TYW5: variants seen among roughly 807,000 people sequenced by gnomAD.
The protein encoded by TYW5 is tRNA wybutosine-synthesizing protein 5.
A neutral mutation model predicts 44.4 loss-of-function variants in TYW5; 36 were observed. The observed-to-expected ratio is 0.81, with a 90% CI of 0.62 to 1.07. The LOEUF is 1.07. Among genes scored for constraint, TYW5 ranks in the 50% least tolerant of loss-of-function variants. The pLI, the probability that TYW5 is intolerant of heterozygous loss-of-function variation, is 0.00. For synonymous variants in TYW5, 121 were observed against 128.1 expected, an observed-to-expected ratio of 0.94 and a Z score of 0.37; for missense variants, 354 against 365.7, an observed-to-expected ratio of 0.97 and a Z score of 0.26.
chr2:199,950,996 A>G (rs1404334370), intron 1 of TYW5, among the ~76,000 whole-genome samples: 2 of 152,188 alleles, frequency 1.3e-5, no homozygotes, highest in Non-Finnish European at 2.9e-5. Context: ...CACTACTATG[A>G]CCACTGTCAC....
rs368330803 is a variant in TYW5 at position 199,955,490 on chromosome 2, C to T, written c.-20G>A. The T allele has an allele frequency of 1.9e-6, 3 of 1,611,574 alleles. No homozygotes were observed. The highest frequency in any genetic ancestry group is 2.5e-6 in the Non-Finnish European group (3 of 1,179,248). ...GGCCATGGTTGCTCACGCCTGCCCTCTTCCAGGTCTTCGGAACTTCGGCTC... is the reference window on the plus strand; with the variant it reads ...GGCCATGGTTGCTCACGCCTGCCCTTTTCCAGGTCTTCGGAACTTCGGCTC... On this transcript the variant is annotated 5_prime_UTR_variant, in exon 1 of 8. Coordinates refer to ENST00000354611, the MANE Select transcript of TYW5 (RefSeq NM_001039693.3).
chr2:199,938,692 G>T (rs557052992), intron 5 of TYW5, among the ~76,000 whole-genome samples: 6 of 152,300 alleles, frequency 3.9e-5, no homozygotes, highest in Non-Finnish European at 2.9e-5. Context: ...GTATATATAT[G>T]ATGATGAATC....
chr2:199,949,077 G>C (rs1404905570), intron 1 of TYW5, among the ~76,000 whole-genome samples: 1 of 152,056 alleles, frequency 6.6e-6, no homozygotes, highest in Non-Finnish European at 1.5e-5. Context: ...ACTGATGTAG[G>C]CTGGGCACAG....
In TYW5 at chr2:199,935,980, A is replaced by G. The variant is rs1301614922; in HGVS notation, c.642T>C (p.Ala214=). 2 of 1,613,356 alleles carry G rather than the reference A, an allele frequency of 1.2e-6. No individual in the cohort carries two copies. Among genetic ancestry groups the G allele is most frequent in the East Asian group, 2.2e-5 (1 of 44,746 alleles). ...CTTCAAGGGAACATTCATATCTTCT[A>G]GCCTTGGAAAAAAGTGGATATTTAG... The part of the protein sequence containing the change: ...DLAKYPLFSK[A]RRYECSLEAG... The change falls in exon 7 of 8, where the codon GCT becomes GCC. Residue 214 remains alanine (A), a synonymous_variant. Coordinates refer to ENST00000354611, the MANE Select transcript of TYW5 (RefSeq NM_001039693.3).
chr2:199,933,860 C>A (rs992379727), intron 7 of TYW5, among the ~76,000 whole-genome samples: 2 of 152,138 alleles, frequency 1.3e-5, no homozygotes, highest in African/African-American at 2.4e-5. Context: ...CAATTATAAT[C>A]ATCTTATATT....
chr2:199,948,518 A>G, intron 1 of TYW5, 46 bp from the exon 2 acceptor site: 2 of 1,598,094 alleles, frequency 1.3e-6, no homozygotes, highest in Non-Finnish European at 1.7e-6. Flanking sequence ...AAAACCAACA[A>G]CACATCAAGA....
rs2077358604 is a variant in TYW5 at position 199,929,643 on chromosome 2, C to T, written c.*3424G>A. ...AAAAGCCGCCTTACTAAGGTTCTTT[C>T]CAAATGTTCACATAGCTGCTGTTCA... On this transcript the variant is annotated 3_prime_UTR_variant, in exon 8 of 8. Transcript: ENST00000354611. 1.3e-5 allele frequency among the ~76,000 whole-genome samples: 2 copies of T among 149,336 alleles called. No homozygotes were observed. Among genetic ancestry groups the T allele is most frequent in the Admixed American group, 6.8e-5 (1 of 14,796 alleles).
chr2:199,949,810 G>C (rs1433934611), intron 1 of TYW5, among the ~76,000 whole-genome samples: 1 of 152,080 alleles, frequency 6.6e-6, no homozygotes, highest in East Asian at 1.9e-4. Context: ...ACATTTATTA[G>C]TTGGCATCCT....
intron 1 of TYW5, among the ~76,000 whole-genome samples, chr2:199,951,619 T>C (rs1487280344): frequency 6.6e-6 from 1 of 152,222 alleles, no homozygotes; most frequent in African/African-American, 2.4e-5. Context: ...CTTTCTTTTT[T>C]GCAAAGTGAT....
intron 3 of TYW5, 39 bp downstream of exon 3, chr2:199,943,726 A>C: frequency 6.7e-7 from 1 of 1,488,748 alleles, no homozygotes; most frequent in South Asian, 1.2e-5. Context: ...TAGTATATAG[A>C]TATTAATGCC....
chr2:199,941,260 C>T (rs932481750), intron 3 of TYW5, among the ~76,000 whole-genome samples: 8 of 152,108 alleles, frequency 5.3e-5, no homozygotes, highest in Non-Finnish European at 1.2e-4. Context: ...AAGTTGGTCT[C>T]GAACTCCTGG....
intron 1 of TYW5, among the ~76,000 whole-genome samples, chr2:199,953,497 G>A (rs933104784): frequency 2.0e-5 from 3 of 151,986 alleles, no homozygotes; most frequent in Non-Finnish European, 4.4e-5. Flanking sequence ...ATAAAGCCTC[G>A]AAAAAACAGT....
intron 3 of TYW5, chr2:199,941,908 A>T (rs1168746262): frequency 6.6e-6 from 1 of 152,166 alleles, no homozygotes; most frequent in Non-Finnish European, 1.5e-5. Context: ...CCAATGCAGG[A>T]CTTTTCTCAT....
At chr2:199,953,044 G>T (rs1377866957) in intron 1 of TYW5, among the ~76,000 whole-genome samples, 2 of 152,174 alleles carry the variant, frequency 1.3e-5, no homozygotes, top group African/African-American at 4.8e-5. Flanking sequence ...GTGCCAGGCT[G>T]GGCGCGGTGG....
rs767406122 is a variant in TYW5 at position 199,929,786 on chromosome 2, C to T, written c.*3281G>A. 2.0e-5 allele frequency among the ~76,000 whole-genome samples: 3 copies of T among 151,222 alleles called. No homozygotes were observed. Among genetic ancestry groups the T allele is most frequent in the Non-Finnish European group, 2.9e-5 (2 of 67,832 alleles). On this transcript the variant is annotated 3_prime_UTR_variant, in exon 8 of 8. Transcript: ENST00000354611. ...ATAGAATTCTAATGTATTCAAATAC[C>T]AAGACAAATAATGTTATGAAATGCT...
intron 2 of TYW5, chr2:199,946,699 A>G (rs577400383): frequency 1.3e-5 from 2 of 152,158 alleles, no homozygotes; most frequent in Non-Finnish European, 2.9e-5. Flanking sequence ...AGGGTTTCTT[A>G]CTTTCTAGTC....
intron 4 of TYW5, among the ~76,000 whole-genome samples, chr2:199,939,679 T>A (rs549059796): frequency 2.6e-5 from 4 of 152,110 alleles, no homozygotes; most frequent in Admixed American, 6.5e-5. Context: ...GAAAAAATAA[T>A]CTTATTTGAT....
rs2105696412 is a variant in TYW5, at chr2:199,938,889, T to G, written c.486+44A>C. 3 of 1,541,236 alleles carry G rather than the reference T, an allele frequency of 1.9e-6. No homozygotes were observed. In the East Asian group the frequency reaches 6.8e-5, roughly 35 times the overall value. On this transcript the variant is annotated intron_variant, in intron 5 of 7. Transcript: ENST00000354611. ...ACTGTGACTGTTAAATCTATAATGCTAAAGATCTATTGTAGCTTTAAATTT... is the reference window on the plus strand; with the variant it reads ...ACTGTGACTGTTAAATCTATAATGCGAAAGATCTATTGTAGCTTTAAATTT...
At chr2:199,954,304 A>G (rs752710603) in intron 1 of TYW5, among the ~76,000 whole-genome samples, 11 of 151,238 alleles carry the variant, frequency 7.3e-5, no homozygotes, top group Non-Finnish European at 1.3e-4. Flanking sequence ...GATTCACCAT[A>G]TTGGCCAGGC....
Sources: gnomAD v4.1 joint callset for allele counts (sites outside exome capture counted in the v4.1 genomes callset) on GRCh38, gnomAD v4.1.1 for gene constraint, MANE v1.5 for transcripts, NCBI Gene and HGNC (gene_info 2026-07-23, HGNC 2026-07-21) for gene names.